The following PSMD1 variants were observed in gnomAD, a reference collection of about 807,000 sequenced individuals.
PSMD1 encodes proteasome 26S subunit, non-ATPase 1.
Under a neutral mutation model 119.0 loss-of-function variants are expected in PSMD1, and 18 were observed. The ratio of observed to expected loss-of-function variants is 0.15; its 90% confidence interval spans 0.10 to 0.22. PSMD1 has a LOEUF of 0.22. PSMD1 is among the 10% of genes least tolerant of loss of function. PSMD1 has a pLI of 1.00. For missense variants in PSMD1, 702 were observed against 1,158.5 expected (o/e 0.61, Z 5.72); for synonymous variants, 374 against 396.6 (o/e 0.94, Z 0.68).
intron 18 of PSMD1, among the ~76,000 whole-genome samples, chr2:231,149,456 A>G (rs1696324829): frequency 6.6e-6 from 1 of 152,214 alleles, no homozygotes; most frequent in Non-Finnish European, 1.5e-5. Flanking sequence ...ACAACATCCC[A>G]AGACCCTATC....
At chr2:231,074,277 T>C (rs988926264) in intron 7 of PSMD1, among the ~76,000 whole-genome samples, 1 of 152,100 alleles carries the variant, frequency 6.6e-6, no homozygotes, top group South Asian at 2.1e-4. Flanking sequence ...GGCTAATTTT[T>C]ATATTGTTAG....
At chr2:231,084,754 G>A (rs920656747) in intron 14 of PSMD1, among the ~76,000 whole-genome samples, 2 of 152,158 alleles carry the variant, frequency 1.3e-5, no homozygotes, top group Admixed American at 6.5e-5. Flanking sequence ...TGTTGCTGTT[G>A]ACTTGACTTT....
In PSMD1 at chr2:231,083,116, GA is replaced by G. The variant is rs1574715768; in HGVS notation, c.1525+124del. 9 of 793,660 alleles carry G rather than the reference GA, an allele frequency of 1.1e-5. No individual in the cohort carries two copies. The East Asian group carries it at 2.5e-4, about 22-fold the overall frequency. The allele number at this position is 793,660 out of a possible 1,614,324, so 49.2% of individuals were successfully genotyped here. The stretch of plus-strand genomic sequence containing the variant: ...CCGATGGATTTCTCTAGTTGAAGAG[GA>G]AGTGAATTTTGCTCCATTTGTCAAA... On this transcript the variant is annotated intron_variant, in intron 13 of 24. Coordinates refer to ENST00000308696, the MANE Select transcript of PSMD1 (RefSeq NM_002807.4).
chr2:231,122,468 A>G (rs1695579075), intron 16 of PSMD1, among the ~76,000 whole-genome samples: 1 of 152,160 alleles, frequency 6.6e-6, no homozygotes, highest in Non-Finnish European at 1.5e-5. Context: ...AAGAAACTAT[A>G]TCTGCCACAA....
At chr2:231,161,283 C>T in intron 19 of PSMD1, 57 bp from the exon 20 acceptor site, 1 of 1,343,738 alleles carries the variant, frequency 7.4e-7, no homozygotes, top group Non-Finnish European at 1.0e-6. Context: ...TATTATTGTC[C>T]TACTATAATA....
chr2:231,146,378 C>G, intron 18 of PSMD1, 22 bp downstream of exon 18: 1 of 1,555,292 alleles, frequency 6.4e-7, no homozygotes, highest in Admixed American at 1.7e-5. Flanking sequence ...AAGAAATTCC[C>G]TGGAAGAGAG....
chr2:231,094,320 C>T (rs145542592), intron 16 of PSMD1, among the ~76,000 whole-genome samples: 8 of 152,132 alleles, frequency 5.3e-5, no homozygotes, highest in African/African-American at 9.6e-5. Flanking sequence ...CAAGCAGTGA[C>T]GTCATAACTT....
chr2:231,074,318 C>G (rs977065026), intron 7 of PSMD1, among the ~76,000 whole-genome samples: 1 of 152,124 alleles, frequency 6.6e-6, no homozygotes, highest in Non-Finnish European at 1.5e-5. Flanking sequence ...ATTGGCCAGG[C>G]TGGTCTCGAA....
intron 16 of PSMD1, among the ~76,000 whole-genome samples, chr2:231,092,969 T>C (rs1253657422): frequency 6.6e-6 from 1 of 152,160 alleles, no homozygotes; most frequent in Admixed American, 6.5e-5. Flanking sequence ...TGGAGTGATA[T>C]ATAGTGTTAC....
intron 16 of PSMD1, among the ~76,000 whole-genome samples, chr2:231,117,850 G>A (rs148339949): frequency 5.9e-4 from 90 of 152,236 alleles, no homozygotes; most frequent in African/African-American, 2.0e-3. Context: ...AGAATACTGA[G>A]TTCTAACTTG....
At chr2:231,112,350 C>A (rs1695182026) in intron 16 of PSMD1, among the ~76,000 whole-genome samples, 1 of 152,240 alleles carries the variant, frequency 6.6e-6, no homozygotes, top group Non-Finnish European at 1.5e-5. Context: ...TCTGCCCCCT[C>A]ATCTAGCCTT....
At chr2:231,157,098 C>A (rs1696523367) in intron 19 of PSMD1, among the ~76,000 whole-genome samples, 1 of 151,758 alleles carries the variant, frequency 6.6e-6, no homozygotes, top group Non-Finnish European at 1.5e-5. Context: ...CTTTTAGCTG[C>A]CACTTTTTAA....
At chr2:231,088,437 G>T (rs1694507893) in intron 16 of PSMD1, among the ~76,000 whole-genome samples, 1 of 152,204 alleles carries the variant, frequency 6.6e-6, no homozygotes, top group African/African-American at 2.4e-5. Context: ...CATCAAGCAA[G>T]TCTACCAAAA....
At chr2:231,164,658 G>A (rs1696714869) in intron 21 of PSMD1, among the ~76,000 whole-genome samples, 1 of 152,000 alleles carries the variant, frequency 6.6e-6, no homozygotes, top group Admixed American at 6.6e-5. Context: ...TTTTACACCA[G>A]TATTGCCCAG....
intron 23 of PSMD1, among the ~76,000 whole-genome samples, chr2:231,166,934 A>T (rs1299889995): frequency 6.6e-6 from 1 of 152,224 alleles, no homozygotes; most frequent in Non-Finnish European, 1.5e-5. Context: ...GGAATTTGGC[A>T]TAACTGGGTT....
chr2:231,065,226 A>C (rs112027996), intron 4 of PSMD1, among the ~76,000 whole-genome samples: 3,333 of 151,624 alleles, frequency 0.022, 133 homozygotes, highest in African/African-American at 0.076. Flanking sequence ...TGGAGAGGAT[A>C]ATTAATGTAT....
Position 231,062,342 on chromosome 2 carries a change from A to G in PSMD1, c.134+21A>G, listed in dbSNP as rs775102458. 1.1e-5 allele frequency: 18 copies of G among 1,576,610 alleles called. No homozygotes were observed. In the East Asian group the frequency reaches 3.1e-4, roughly 28 times the overall value. ...AAAATGTAAGAAATTATTTTTATAA[A>G]TCAGAATAAGATGGATCAAATTTAA... is the stretch of plus-strand genomic sequence containing the variant. On this transcript the variant is annotated intron_variant, in intron 3 of 24. Coordinates refer to ENST00000308696, the MANE Select transcript of PSMD1 (RefSeq NM_002807.4).
intron 16 of PSMD1, among the ~76,000 whole-genome samples, chr2:231,087,691 G>A (rs556523415): frequency 1.1e-4 from 17 of 152,122 alleles, no homozygotes; most frequent in Middle Eastern, 3.4e-3. Flanking sequence ...GGCTGGGCGC[G>A]GTAGCTCATG....
At chr2:231,111,846 G>T (rs1332155696) in intron 16 of PSMD1, among the ~76,000 whole-genome samples, 3 of 152,032 alleles carry the variant, frequency 2.0e-5, no homozygotes, top group Admixed American at 2.0e-4. Flanking sequence ...TTTTTCTCCT[G>T]CATCACTCAT....
Sources: gnomAD v4.1 joint callset for allele counts (sites outside exome capture counted in the v4.1 genomes callset) on GRCh38, gnomAD v4.1.1 for gene constraint, MANE v1.5 for transcripts, NCBI Gene and HGNC (gene_info 2026-07-23, HGNC 2026-07-21) for gene names.